The following STRN4 variants were observed in gnomAD, a reference collection of about 807,000 sequenced individuals.
The protein encoded by STRN4 is striatin-4.
Under a neutral mutation model 77.9 loss-of-function variants are expected in STRN4, and 27 were observed. The ratio of observed to expected loss-of-function variants is 0.35; its 90% confidence interval spans 0.26 to 0.48. The LOEUF is 0.48. STRN4 is among the 20% of genes least tolerant of loss of function. STRN4 has a pLI of 0.99. For synonymous variants in STRN4, 466 were observed against 443.1 expected (o/e 1.05, Z -0.65); for missense variants, 798 against 1,049.7 (o/e 0.76, Z 3.31).
chr19:46,742,625 T>G (rs1362055448), intron 1 of STRN4, among the ~76,000 whole-genome samples: 1 of 151,628 alleles, frequency 6.6e-6, no homozygotes, highest in African/African-American at 2.4e-5. Flanking sequence ...TGCAGTGGTG[T>G]GATCTCGGCT....
intron 4 of STRN4, among the ~76,000 whole-genome samples, chr19:46,735,230 C>T (rs1436496386): frequency 6.6e-6 from 1 of 152,016 alleles, no homozygotes; most frequent in East Asian, 1.9e-4. Context: ...CACTTGAACC[C>T]GGGAGGCAGA....
At chr19:46,725,216 C>CA (rs1433454691) in intron 11 of STRN4, 116 bp downstream of exon 11, 10 of 1,434,772 alleles carry the variant, frequency 7.0e-6, no homozygotes, top group Non-Finnish European at 8.7e-6. Context: ...GGCGGGGACT[C>CA]AGAGCCCCCT....
rs1046149263 is a variant in STRN4 at position 46,733,842 on chromosome 19, T to C, written c.540-606A>G. Reference sequence around the variant, plus strand: ...TCTACAAATGAGCACTTATTACTTCTGCAATTTAAAAACTGAAGCCAGCTG... The same window carrying C: ...TCTACAAATGAGCACTTATTACTTCCGCAATTTAAAAACTGAAGCCAGCTG... On this transcript the variant is annotated intron_variant, in intron 4 of 17. Transcript: ENST00000263280. This position sits in a 1 kb window ranked among gnomAD's most constrained non-coding sequence, Gnocchi z 4.3. 2.0e-5 allele frequency: 3 copies of C among 152,118 alleles called. No individual in the cohort carries two copies. Among genetic ancestry groups the C allele is most frequent in the South Asian group, 4.1e-4 (2 of 4,826 alleles). The allele number at this position is 152,118 out of a possible 1,614,324, so 9.4% of individuals were successfully genotyped here.
rs1193939480 is a variant in STRN4, at chr19:46,719,785, G to GC, written c.*619dup. ...ACCCGAGGCCCACTCCACCCTCCATGCCCCAGGGAGGGGCACAAGAAAGCC... is the reference window on the plus strand; with the variant it reads ...ACCCGAGGCCCACTCCACCCTCCATGCCCCCAGGGAGGGGCACAAGAAAGCC... On this transcript the variant is annotated 3_prime_UTR_variant, in exon 18 of 18. Transcript: ENST00000263280. 4 of 152,298 alleles carry GC rather than the reference G, an allele frequency of 2.6e-5. No individual in the cohort carries two copies. Among genetic ancestry groups the GC allele is most frequent in the Non-Finnish European group, 5.9e-5 (4 of 68,004 alleles). The allele number at this position is 152,298 out of a possible 1,614,324, so 9.4% of individuals were successfully genotyped here.
intron 6 of STRN4, 115 bp from the exon 7 acceptor site, chr19:46,728,892 T>G: frequency 6.9e-7 from 1 of 1,449,004 alleles, no homozygotes; most frequent in South Asian, 1.3e-5. Flanking sequence ...TTCATGGGGC[T>G]GCCTCAGCCG....
Position 46,723,209 on chromosome 19 carries a change from T to C in STRN4, c.1670A>G (p.Gln557Arg). ...ATCAGCAGAACAGGAGGCCAGGCGC[T>C]GGGAGGTGGGACTGAAGGCCAGGCC... is the stretch of plus-strand genomic sequence containing the variant. Reference protein sequence around the residue: ...VWGLAFSPTSQRLASCSADGT... With the variant: ...VWGLAFSPTSRRLASCSADGT... The change falls in exon 13 of 18, where the codon CAG (glutamine) becomes CGG (arginine). Residue 557 changes from glutamine to arginine, a missense_variant. Coordinates refer to ENST00000263280, the MANE Select transcript of STRN4 (RefSeq NM_013403.3). This position sits in a 1 kb window ranked among gnomAD's most constrained non-coding sequence, Gnocchi z 5.5. 6.4e-7 allele frequency: 1 copy of C among 1,554,526 alleles called. No homozygotes were observed. Among genetic ancestry groups the C allele is most frequent in the Non-Finnish European group, 8.7e-7 (1 of 1,149,660 alleles).
intron 16 of STRN4, 57 bp downstream of exon 16, chr19:46,721,929 C>G (rs1453176572): frequency 6.3e-7 from 1 of 1,598,446 alleles, no homozygotes; most frequent in African/African-American, 1.3e-5. Context: ...GAGCCAGTGC[C>G]CAGGCCTCTT....
chr19:46,725,703 AGACACC>A, intron 9 of STRN4, 55 bp from the exon 10 acceptor site: 2 of 1,583,286 alleles, frequency 1.3e-6, no homozygotes, highest in Non-Finnish European at 1.7e-6. Flanking sequence ...GCAGTCATGC[AGACACC>A]GACACCCAGG....
intron 5 of STRN4, among the ~76,000 whole-genome samples, chr19:46,731,090 G>A (rs2054240745): frequency 6.6e-6 from 1 of 152,134 alleles, no homozygotes; most frequent in South Asian, 2.1e-4. Context: ...CCGCAAACGG[G>A]GCCCAGCTCC....
intron 15 of STRN4, 71 bp from the exon 16 acceptor site, chr19:46,722,143 G>A: frequency 6.2e-7 from 1 of 1,603,226 alleles, no homozygotes; most frequent in Non-Finnish European, 8.5e-7. Flanking sequence ...GAAAGGACTG[G>A]ACGAGAGACT....
chr19:46,746,236 C>A lies in STRN4; in HGVS notation c.195G>T (p.Leu65=), dbSNP rs2054604880. 6 of 1,522,166 alleles carry A rather than the reference C, an allele frequency of 3.9e-6. No individual in the cohort carries two copies. The highest frequency in any genetic ancestry group is 1.4e-5 in the African/African-American group (1 of 69,596). The allele number at this position is 1,522,166 out of a possible 1,614,324, so 94.3% of individuals were successfully genotyped here. The change falls in exon 1 of 18, where the codon CTG becomes CTT. Residue 65 remains leucine, a synonymous_variant. Coordinates refer to ENST00000263280, the MANE Select transcript of STRN4 (RefSeq NM_013403.3). ...GCTGGATAAAGTGCAGGATCCCCGG[C>A]AGGCTCAGGGGCTCCGGGCCCGCCG... ...GPTAGPEPLS[L]PGILHFIQHE... is the part of the protein sequence containing the mutation.
Position 46,743,180 on chromosome 19 carries a change from G to A in STRN4, c.282+2969C>T, listed in dbSNP as rs374506860. On this transcript the variant is annotated intron_variant, in intron 1 of 17. Coordinates refer to ENST00000263280, the MANE Select transcript of STRN4 (RefSeq NM_013403.3). ...GCACAATAACTCTTCTCTCTCAGGA[G>A]AGAAGAGCAGGAAAGGGACGAAGAG... Among the ~76,000 whole-genome samples the A allele has an allele frequency of 3.3e-5, 5 of 152,298 alleles. No homozygotes were observed. The East Asian group carries it at 5.8e-4, about 18-fold the overall frequency.
In STRN4 at chr19:46,736,833, G is replaced by C. The variant is rs1381838999; in HGVS notation, c.529C>G (p.Leu177Val). ...SPLVWKEGRQ[L>V]LRQYLEEVGY... ...CCCGAGCACACTCACTGTCGGAGAA[G>C]CTGCCGCCCCTCCTTCCACACCAAC... Residue 177 changes from leucine to valine, a missense_variant, in exon 4 of 18, where the codon CTT becomes GTT. Coordinates refer to ENST00000263280, the MANE Select transcript of STRN4 (RefSeq NM_013403.3). 15 of 1,612,688 alleles carry C rather than the reference G, an allele frequency of 9.3e-6. No homozygotes were observed. Among genetic ancestry groups the C allele is most frequent in the Non-Finnish European group, 1.3e-5 (15 of 1,179,308 alleles).
intron 16 of STRN4, 150 bp from the exon 17 acceptor site, chr19:46,720,921 C>T: frequency 2.2e-6 from 2 of 916,446 alleles, no homozygotes; most frequent in Non-Finnish European, 3.0e-6. Flanking sequence ...CTCCTGTGGC[C>T]CGCCCAAAGG....
chr19:46,737,367 C>T (rs751797660), intron 3 of STRN4, among the ~76,000 whole-genome samples: 10 of 152,216 alleles, frequency 6.6e-5, no homozygotes, highest in Non-Finnish European at 1.2e-4. Context: ...CTTTCCTGGG[C>T]ATCTACGCTG....
intron 6 of STRN4, 54 bp downstream of exon 6, chr19:46,730,678 T>C (rs995956986): frequency 6.3e-7 from 1 of 1,595,090 alleles, no homozygotes; most frequent in African/African-American, 1.3e-5. Context: ...TCGGAAGGGC[T>C]TCGATCAGGT....
At chr19:46,721,844 TGGTCACCAC>T in intron 16 of STRN4, 133 bp downstream of exon 16, 1 of 816,484 alleles carries the variant, frequency 1.2e-6, no homozygotes, top group Non-Finnish European at 2.0e-6. Context: ...CTGCCCCCTA[TGGTCACCAC>T]GGTCATTCCC....
At position 46,738,131 on chromosome 19, in the gene STRN4, G is replaced by C; in HGVS notation, c.460+33C>G. On this transcript the variant is annotated intron_variant, in intron 3 of 17. Transcript: ENST00000263280. The surrounding 1 kb of genome is among the most constrained non-coding windows in gnomAD (Gnocchi z 4.5). ...CAGAACACTCAGCTTCTGCGGGAGG[G>C]TGCCGACAGTGCGAGCATCAGAGGG... 1 of 1,604,766 alleles carries C rather than the reference G, an allele frequency of 6.2e-7. No individual in the cohort carries two copies. Among genetic ancestry groups the C allele is most frequent in the Non-Finnish European group, 8.5e-7 (1 of 1,171,404 alleles).
In STRN4 at chr19:46,725,262, G is replaced by GCAGTGAGCAGGTCAGGAGT; in HGVS notation, c.1472+51_1472+69dup. The GCAGTGAGCAGGTCAGGAGT allele has an allele frequency of 3.1e-6, 5 of 1,606,994 alleles. No homozygotes were observed. The South Asian group carries it at 4.4e-5, about 14-fold the overall frequency. On this transcript the variant is annotated intron_variant, in intron 11 of 17. Transcript: ENST00000263280. ...CTCCTGCCGTGGGCCTCCCGCGATGGCAGTGAGCAGGTCAGGAGTCAGGCT... is the reference window on the plus strand; with the variant it reads ...CTCCTGCCGTGGGCCTCCCGCGATGGCAGTGAGCAGGTCAGGAGTCAGTGAGCAGGTCAGGAGTCAGGCT...
Sources: allele counts gnomAD v4.1 joint callset (sites outside exome capture counted in the v4.1 genomes callset), GRCh38; gene constraint gnomAD v4.1.1; non-coding constraint Gnocchi (gnomAD v3.1); transcripts MANE v1.5; gene names NCBI Gene and HGNC (gene_info 2026-07-23, HGNC 2026-07-21).